PTPN4: variants seen among roughly 807,000 people sequenced by gnomAD.
The protein encoded by PTPN4 is tyrosine-protein phosphatase non-receptor type 4.
A neutral mutation model predicts 135.5 loss-of-function variants in PTPN4; 49 were observed. That is an observed-to-expected ratio of 0.36 (90% confidence interval 0.29 to 0.46). The LOEUF is 0.46. Among genes scored for constraint, PTPN4 ranks in the 20% least tolerant of loss-of-function variants. The pLI, the probability that PTPN4 is intolerant of heterozygous loss-of-function variation, is 1.00. For missense variants in PTPN4, 860 were observed against 1,101.0 expected, an observed-to-expected ratio of 0.78 and a Z score of 3.10; for synonymous variants, 333 against 369.9, an observed-to-expected ratio of 0.90 and a Z score of 1.14.
At chr2:119,967,749 G>A in intron 25 of PTPN4, 88 bp from the exon 26 acceptor site, 1 of 1,031,690 alleles carries the variant, frequency 9.7e-7, no homozygotes, top group Non-Finnish European at 1.3e-6. Context: ...TTGTTCTTCT[G>A]TGTTATAATT....
chr2:119,830,826 T>C (rs1043334397), intron 2 of PTPN4, among the ~76,000 whole-genome samples: 27 of 152,126 alleles, frequency 1.8e-4, no homozygotes, highest in Admixed American at 3.9e-4. Context: ...TGCCTTCCAC[T>C]ATGATTGTAA....
chr2:119,853,649 C>G (rs1677630127), intron 2 of PTPN4, among the ~76,000 whole-genome samples: 1 of 151,970 alleles, frequency 6.6e-6, no homozygotes, highest in Non-Finnish European at 1.5e-5. Flanking sequence ...AAGTATTTTT[C>G]TATATACATT....
intron 18 of PTPN4, among the ~76,000 whole-genome samples, chr2:119,948,118 A>G (rs1258516317): frequency 6.6e-6 from 1 of 152,184 alleles, no homozygotes; most frequent in African/African-American, 2.4e-5. Context: ...GATGGTAGAG[A>G]TAATCCAAAA....
chr2:119,953,591 C>T (rs980951725), intron 19 of PTPN4, among the ~76,000 whole-genome samples: 6 of 152,108 alleles, frequency 3.9e-5, no homozygotes, highest in Non-Finnish European at 8.8e-5. Context: ...AAATTTTAAA[C>T]CAGGAATAAC....
Position 119,984,216 on chromosome 2 carries a change from C to G in PTPN4, c.*7146C>G, listed in dbSNP as rs1015790829. On this transcript the variant is annotated 3_prime_UTR_variant, in exon 27 of 27. Coordinates refer to ENST00000263708, the MANE Select transcript of PTPN4 (RefSeq NM_002830.4). Reference sequence around the variant, plus strand: ...GCTTAATTTTAGAACCGATAATTTACTATATCTGCATTATTGATATTTTTA... The same window carrying G: ...GCTTAATTTTAGAACCGATAATTTAGTATATCTGCATTATTGATATTTTTA... Among the ~76,000 whole-genome samples the G allele has an allele frequency of 5.9e-5, 9 of 152,096 alleles. No homozygotes were observed. The highest frequency in any genetic ancestry group is 1.9e-4 in the African/African-American group (8 of 41,414).
At chr2:119,771,419 C>G (rs1690731970) in intron 1 of PTPN4, 1 of 152,080 alleles carries the variant, frequency 6.6e-6, no homozygotes, top group African/African-American at 2.4e-5. Context: ...TCTGCTCTGT[C>G]CTGGTTTTCT....
intron 10 of PTPN4, among the ~76,000 whole-genome samples, chr2:119,904,299 A>G (rs2105017321): frequency 6.6e-6 from 1 of 152,294 alleles, no homozygotes; most frequent in Non-Finnish European, 1.5e-5. Flanking sequence ...CATCAACAAT[A>G]GACTAGATTA....
At chr2:119,853,280 G>A (rs1677624210) in intron 2 of PTPN4, among the ~76,000 whole-genome samples, 1 of 152,056 alleles carries the variant, frequency 6.6e-6, no homozygotes, top group African/African-American at 2.4e-5. Context: ...GTTGTTTTCT[G>A]CCATTTTATT....
At chr2:119,930,242 CT>C (rs938976228) in intron 13 of PTPN4, among the ~76,000 whole-genome samples, 20 of 152,012 alleles carry the variant, frequency 1.3e-4, no homozygotes, top group African/African-American at 4.8e-4. Context: ...GTCAATGTAT[CT>C]TTTTTAAAAC....
At chr2:119,969,331 A>G (rs985905067) in intron 26 of PTPN4, among the ~76,000 whole-genome samples, 1 of 151,932 alleles carries the variant, frequency 6.6e-6, no homozygotes, top group African/African-American at 2.4e-5. Flanking sequence ...AATTACAGAA[A>G]ATTTCAAACA....
At chr2:119,939,473 G>T (rs1679031223) in intron 15 of PTPN4, among the ~76,000 whole-genome samples, 1 of 151,958 alleles carries the variant, frequency 6.6e-6, no homozygotes, top group Admixed American at 6.6e-5. Context: ...GCTAATTTTT[G>T]TATTTCTTGT....
intron 26 of PTPN4, among the ~76,000 whole-genome samples, chr2:119,975,773 C>T (rs548364559): frequency 6.6e-6 from 1 of 152,034 alleles, no homozygotes; most frequent in African/African-American, 2.4e-5. Flanking sequence ...TTGTCATCAA[C>T]TAGATACACA....
intron 2 of PTPN4, among the ~76,000 whole-genome samples, chr2:119,831,523 C>T (rs1032635212): frequency 1.2e-4 from 19 of 152,264 alleles, no homozygotes; most frequent in African/African-American, 4.3e-4. Flanking sequence ...AGTTCTCCAA[C>T]ATTCTTTTTA....
intron 26 of PTPN4, among the ~76,000 whole-genome samples, chr2:119,973,393 T>A (rs1410538372): frequency 1.3e-5 from 2 of 152,138 alleles, no homozygotes; most frequent in Admixed American, 6.6e-5. Context: ...TATCTATCAG[T>A]GGACAGGGTT....
intron 1 of PTPN4, among the ~76,000 whole-genome samples, chr2:119,785,437 A>C (rs981767607): frequency 6.6e-6 from 1 of 152,206 alleles, no homozygotes; most frequent in African/African-American, 2.4e-5. Flanking sequence ...ACTAAGAGGT[A>C]TATAAATGCT....
chr2:119,776,031 TTAACTA>T (rs1690830517), intron 1 of PTPN4, among the ~76,000 whole-genome samples: 1 of 152,084 alleles, frequency 6.6e-6, no homozygotes, highest in Non-Finnish European at 1.5e-5. Context: ...AGAAAATAAA[TTAACTA>T]TAGACAGTCT....
chr2:119,911,674 A>G (rs1678574241), intron 10 of PTPN4, among the ~76,000 whole-genome samples: 1 of 152,170 alleles, frequency 6.6e-6, no homozygotes, highest in South Asian at 2.1e-4. Flanking sequence ...GGAAAAAGGA[A>G]TAAAAGGCAA....
intron 2 of PTPN4, among the ~76,000 whole-genome samples, chr2:119,849,293 C>T (rs771876352): frequency 1.3e-5 from 2 of 151,974 alleles, no homozygotes; most frequent in Admixed American, 1.3e-4. Context: ...TTAAACTTGA[C>T]GTTTTACTTT....
intron 9 of PTPN4, among the ~76,000 whole-genome samples, chr2:119,896,925 TAAG>T (rs1678332597): frequency 2.6e-5 from 4 of 152,234 alleles, no homozygotes; most frequent in African/African-American, 9.6e-5. Flanking sequence ...TTTTGGCTCG[TAAG>T]TTTTGTTTTT....
Sources: allele counts gnomAD v4.1 joint callset (sites outside exome capture counted in the v4.1 genomes callset), GRCh38; gene constraint gnomAD v4.1.1; transcripts MANE v1.5; gene names NCBI Gene and HGNC (gene_info 2026-07-23, HGNC 2026-07-21).